SEL1L2: variants seen among roughly 807,000 people sequenced by gnomAD.
The protein encoded by SEL1L2 is SEL1L2 adaptor subunit of SYVN1 ubiquitin ligase.
In SEL1L2, 89 loss-of-function variants were observed where a neutral mutation model predicts 98.8. The observed-to-expected ratio is 0.90, with a 90% CI of 0.76 to 1.07. The LOEUF (loss-of-function observed/expected upper bound fraction) is 1.07. SEL1L2 is among the 50% of genes least tolerant of loss of function. SEL1L2 has a pLI of 0.00. For synonymous variants in SEL1L2, 262 were observed against 278.5 expected (o/e 0.94, Z 0.59); for missense variants, 788 against 812.0 (o/e 0.97, Z 0.36).
chr20:13,918,565 T>C (rs2148224754), intron 4 of SEL1L2, among the ~76,000 whole-genome samples: 1 of 152,332 alleles, frequency 6.6e-6, no homozygotes, highest in South Asian at 2.1e-4. Context: ...AATTAAGCTC[T>C]TCTTACCTTA....
chr20:13,971,513 C>G (rs896192521), intron 1 of SEL1L2, among the ~76,000 whole-genome samples: 2 of 152,156 alleles, frequency 1.3e-5, no homozygotes, highest in Non-Finnish European at 2.9e-5. Flanking sequence ...GCAACCTTCA[C>G]CTCCCAGGCT....
chr20:13,954,253 T>C (rs1194893592), intron 2 of SEL1L2, among the ~76,000 whole-genome samples: 3 of 152,166 alleles, frequency 2.0e-5, no homozygotes, highest in Admixed American at 1.3e-4. Context: ...CAAGCCTACA[T>C]TGGGGGTAGA....
rs557434263 is a variant in SEL1L2 at position 13,872,936 on chromosome 20, G to C, written c.1105-2733C>G. ...GCTCTCAGTTCCTCTGCTCCAGCTGGTTGGTGCCACATGGAATGGCAGTCC... is the reference window on the plus strand; with the variant it reads ...GCTCTCAGTTCCTCTGCTCCAGCTGCTTGGTGCCACATGGAATGGCAGTCC... On this transcript the variant is annotated intron_variant, in intron 12 of 19. Coordinates refer to ENST00000284951, the MANE Select transcript of SEL1L2 (RefSeq NM_025229.2). 2.6e-5 allele frequency among the ~76,000 whole-genome samples: 4 copies of C among 152,198 alleles called. No individual in the cohort carries two copies. In the South Asian group the frequency reaches 8.3e-4, roughly 32 times the overall value.
intron 1 of SEL1L2, among the ~76,000 whole-genome samples, chr20:13,962,584 T>C (rs1600942293): frequency 6.6e-6 from 1 of 152,312 alleles, no homozygotes; most frequent in East Asian, 1.9e-4. Flanking sequence ...AATAAATCAT[T>C]GTTGTTTGAA....
intron 14 of SEL1L2, among the ~76,000 whole-genome samples, chr20:13,867,200 C>T (rs183136776): frequency 4.6e-5 from 7 of 152,324 alleles, no homozygotes; most frequent in Non-Finnish European, 5.9e-5. Flanking sequence ...TGATTTATCT[C>T]GCCATCTTTG....
At chr20:13,877,081 T>C (rs2147911868) in intron 11 of SEL1L2, among the ~76,000 whole-genome samples, 1 of 152,260 alleles carries the variant, frequency 6.6e-6, no homozygotes, top group Non-Finnish European at 1.5e-5. Flanking sequence ...TGCCTCAGCC[T>C]CCCAAAGTGC....
chr20:13,922,444 T>A (rs965689715), intron 3 of SEL1L2, among the ~76,000 whole-genome samples: 2 of 152,228 alleles, frequency 1.3e-5, no homozygotes, highest in African/African-American at 4.8e-5. Context: ...TTATTCTTCT[T>A]CCACATCTAG....
chr20:13,890,642 T>C (rs1197986261), intron 5 of SEL1L2, among the ~76,000 whole-genome samples: 1 of 152,010 alleles, frequency 6.6e-6, no homozygotes, highest in African/African-American at 2.4e-5. Context: ...GAAAAGATGG[T>C]CCTATGAAAG....
In SEL1L2 at chr20:13,931,678, T is replaced by C. The variant is rs1428570377; in HGVS notation, c.208A>G (p.Lys70Glu). The C allele has an allele frequency of 1.3e-6, 2 of 1,553,038 alleles. No homozygotes were observed. Among genetic ancestry groups the C allele is most frequent in the Non-Finnish European group, 1.7e-6 (2 of 1,144,194 alleles). The change falls in exon 3 of 20, where the codon AAA becomes GAA. Residue 70 changes from lysine to glutamate, a missense_variant. Physicochemically the swap from Lys to Glu is moderately conservative, Grantham distance 56 (BLOSUM62 1). Coordinates refer to ENST00000284951, the MANE Select transcript of SEL1L2 (RefSeq NM_025229.2). ...CTTATTTTACGTTGATTCTTCTTTT[T>C]CTCCAGGAGATTTTCTCTTTTATTG... ...VINKRENLLE[K>E]KKNQRKIRIK...
intron 2 of SEL1L2, among the ~76,000 whole-genome samples, chr20:13,940,641 G>A (rs867822779): frequency 6.6e-6 from 1 of 152,174 alleles, no homozygotes; most frequent in Non-Finnish European, 1.5e-5. Flanking sequence ...AGCATCATGA[G>A]TGGGAGCAGG....
intron 4 of SEL1L2, among the ~76,000 whole-genome samples, chr20:13,917,774 ATTTC>A (rs2048468016): frequency 1.9e-5 from 1 of 52,606 alleles, no homozygotes; most frequent in Non-Finnish European, 3.9e-5. Flanking sequence ...TACTTTCTTT[ATTTC>A]TTTCTTTCTT....
chr20:13,850,035 A>G, intron 19 of SEL1L2, 156 bp downstream of exon 19: 1 of 738,106 alleles, frequency 1.4e-6, no homozygotes, highest in East Asian at 2.7e-5. Flanking sequence ...TAGAACATGC[A>G]GAATTACTCT....
intron 3 of SEL1L2, among the ~76,000 whole-genome samples, chr20:13,925,575 T>C (rs549294079): frequency 2.5e-4 from 38 of 152,242 alleles, no homozygotes; most frequent in Non-Finnish European, 5.1e-4. Context: ...CTAGCTTTAT[T>C]CATAGCTCTT....
intron 18 of SEL1L2, among the ~76,000 whole-genome samples, chr20:13,851,112 C>G (rs1184077125): frequency 6.6e-6 from 1 of 152,010 alleles, no homozygotes; most frequent in East Asian, 1.9e-4. Context: ...TGGTGCATGC[C>G]TGTAATCCCA....
rs1600717105 is a variant in SEL1L2, at chr20:13,911,416, T to G, written c.549+2366A>C. 2.0e-5 allele frequency among the ~76,000 whole-genome samples: 3 copies of G among 152,186 alleles called. No homozygotes were observed. In the East Asian group the frequency reaches 5.8e-4, roughly 29 times the overall value. On this transcript the variant is annotated intron_variant, in intron 5 of 19. Transcript: ENST00000284951. Reference sequence around the variant, plus strand: ...TGGTGGGAGTGGAGTGAGGGTAACATTTGGTCTTTAGTGATACCATTTTTA... The same window carrying G: ...TGGTGGGAGTGGAGTGAGGGTAACAGTTGGTCTTTAGTGATACCATTTTTA...
chr20:13,927,687 A>T (rs762114954), intron 3 of SEL1L2, among the ~76,000 whole-genome samples: 4 of 152,252 alleles, frequency 2.6e-5, no homozygotes, highest in Non-Finnish European at 4.4e-5. Context: ...GCATTTATAG[A>T]ACACCTATAT....
intron 10 of SEL1L2, among the ~76,000 whole-genome samples, chr20:13,881,886 A>G (rs887281653): frequency 1.3e-5 from 2 of 152,186 alleles, no homozygotes; most frequent in Non-Finnish European, 1.5e-5. Context: ...TAAAAATAAG[A>G]TATTGTATAT....
upstream of SEL1L2, among the ~76,000 whole-genome samples, chr20:13,991,524 A>C (rs1302434219): frequency 6.6e-6 from 1 of 152,180 alleles, no homozygotes; most frequent in Non-Finnish European, 1.5e-5. Context: ...GGAATTTTTC[A>C]GCTTCTAAGT....
At chr20:13,968,015 T>C in intron 1 of SEL1L2, among the ~76,000 whole-genome samples, 1 of 152,370 alleles carries the variant, frequency 6.6e-6, no homozygotes, top group East Asian at 1.9e-4. Context: ...AATGGCTTAG[T>C]TATATAAATT....
Sources: allele counts gnomAD v4.1 joint callset (sites outside exome capture counted in the v4.1 genomes callset), GRCh38; gene constraint gnomAD v4.1.1; transcripts MANE v1.5; gene names NCBI Gene and HGNC (gene_info 2026-07-23, HGNC 2026-07-21).